The following PRKCQ variants were observed in gnomAD, a reference collection of about 807,000 sequenced individuals.
PRKCQ encodes protein kinase C theta, also known as protein kinase C theta type.
PRKCQ carries 41 observed loss-of-function variants against 91.2 expected under a neutral mutation model. That is an observed-to-expected ratio of 0.45 (90% CI 0.35 to 0.58). PRKCQ has a LOEUF of 0.58. PRKCQ is among the 20% of genes least tolerant of loss of function. The pLI is 0.00. For synonymous variants in PRKCQ, 307 were observed against 316.9 expected, an observed-to-expected ratio of 0.97 and a Z score of 0.33; for missense variants, 673 against 896.5, an observed-to-expected ratio of 0.75 and a Z score of 3.18.
chr10:6,456,331 C>A (rs1212444844), intron 15 of PRKCQ, among the ~76,000 whole-genome samples: 1 of 152,166 alleles, frequency 6.6e-6, no homozygotes, highest in African/African-American at 2.4e-5. Context: ...GGTCTTCTGA[C>A]CCCACAGTTT....
chr10:6,461,324 C>A (rs1835338888), intron 14 of PRKCQ, among the ~76,000 whole-genome samples: 1 of 152,132 alleles, frequency 6.6e-6, no homozygotes, highest in South Asian at 2.1e-4. Flanking sequence ...TTAGTCAGTG[C>A]CTAGGTACAA....
At chr10:6,509,334 T>C (rs1349614630) in intron 3 of PRKCQ, among the ~76,000 whole-genome samples, 1 of 152,212 alleles carries the variant, frequency 6.6e-6, no homozygotes, top group Non-Finnish European at 1.5e-5. Flanking sequence ...ACTTATCCTT[T>C]CATTAATTGA....
chr10:6,411,975 C>A, the PRKCQ span, among the ~76,000 whole-genome samples: 1 of 152,162 alleles, frequency 6.6e-6, no homozygotes, highest in Non-Finnish European at 1.5e-5. Flanking sequence ...CACAAAAATG[C>A]CCAGCATCTC....
intron 4 of PRKCQ, among the ~76,000 whole-genome samples, chr10:6,503,454 G>A (rs917077600): frequency 6.6e-6 from 1 of 152,130 alleles, no homozygotes; most frequent in Non-Finnish European, 1.5e-5. Flanking sequence ...GAGAACAGAG[G>A]AAGAAGAGAA....
chr10:6,430,661 G>T lies in PRKCQ; in HGVS notation c.1965+149C>A. The T allele has an allele frequency of 8.3e-7, 1 of 1,206,368 alleles. No homozygotes were observed. The highest frequency in any genetic ancestry group is 1.5e-5 in the African/African-American group (1 of 65,624). The allele number at this position is 1,206,368 out of a possible 1,614,324, so 74.7% of individuals were successfully genotyped here. ...CTGCCCCACCAGCCCAGTAACATGT[G>T]TTAGAGACGTGCATTCCTCCTGGAG... is the stretch of plus-strand genomic sequence containing the variant. On this transcript the variant is annotated intron_variant, in intron 17 of 17. Transcript: ENST00000263125. The surrounding 1 kb of genome is among the most constrained non-coding windows in gnomAD (Gnocchi z 4.7).
chr10:6,403,106 A>T, the PRKCQ span, among the ~76,000 whole-genome samples: 1 of 152,180 alleles, frequency 6.6e-6, no homozygotes, highest in African/African-American at 2.4e-5. Flanking sequence ...CTGCCAATCA[A>T]CATGCAGGGC....
At chr10:6,548,576 C>T (rs1159399407) in intron 1 of PRKCQ, among the ~76,000 whole-genome samples, 1 of 147,546 alleles carries the variant, frequency 6.8e-6, no homozygotes, top group Non-Finnish European at 1.5e-5. Flanking sequence ...AGTTCATGTC[C>T]TTTGTAGGGA....
At chr10:6,514,781 T>A (rs1588367085) in intron 2 of PRKCQ, among the ~76,000 whole-genome samples, 3 of 152,120 alleles carry the variant, frequency 2.0e-5, no homozygotes, top group South Asian at 2.1e-4. Context: ...TTTGTATATG[T>A]GGGAAAAATG....
intron 1 of PRKCQ, among the ~76,000 whole-genome samples, chr10:6,556,710 G>A (rs1340995994): frequency 6.6e-6 from 1 of 151,996 alleles, no homozygotes; most frequent in East Asian, 1.9e-4. Context: ...AATTATGTAA[G>A]CATTTGATTT....
chr10:6,553,739 G>A (rs975209562), intron 1 of PRKCQ, among the ~76,000 whole-genome samples: 21 of 151,964 alleles, frequency 1.4e-4, no homozygotes, highest in African/African-American at 4.6e-4. Context: ...ACAAAGTTGC[G>A]GTATGCACAT....
At chr10:6,456,552 A>G (rs2132308833) in intron 15 of PRKCQ, 122 bp downstream of exon 15, 1 of 1,333,886 alleles carries the variant, frequency 7.5e-7, no homozygotes, top group East Asian at 2.4e-5. Flanking sequence ...GAGATACTTA[A>G]GAAAACAGGT....
intron 1 of PRKCQ, among the ~76,000 whole-genome samples, chr10:6,540,147 AAGTT>A (rs1839723948): frequency 6.6e-6 from 1 of 152,048 alleles, no homozygotes; most frequent in Admixed American, 6.6e-5. Context: ...CAGACACACA[AAGTT>A]TGTCAGTTTG....
chr10:6,446,979 G>A (rs921867557), intron 15 of PRKCQ, among the ~76,000 whole-genome samples: 5 of 152,180 alleles, frequency 3.3e-5, no homozygotes, highest in Non-Finnish European at 7.4e-5. Context: ...CTGGGTGAGT[G>A]CTGCCCCAGC....
the PRKCQ span, among the ~76,000 whole-genome samples, chr10:6,419,068 A>G: frequency 6.6e-6 from 1 of 151,828 alleles, no homozygotes; most frequent in Admixed American, 6.6e-5. Context: ...TGTATCATCT[A>G]TTTATTCTAT....
intron 2 of PRKCQ, among the ~76,000 whole-genome samples, chr10:6,512,904 C>T (rs1019595779): frequency 4.6e-5 from 7 of 152,024 alleles, no homozygotes; most frequent in African/African-American, 1.7e-4. Context: ...GGAGATTGGG[C>T]TTTTTAGAAA....
chr10:6,409,387 C>T, the PRKCQ span, among the ~76,000 whole-genome samples: 2 of 152,146 alleles, frequency 1.3e-5, no homozygotes, highest in Non-Finnish European at 2.9e-5. Context: ...CTCTGCCTCC[C>T]AGGTTCAAGC....
chr10:6,502,646 G>C (rs1837981511), intron 4 of PRKCQ, among the ~76,000 whole-genome samples: 1 of 152,222 alleles, frequency 6.6e-6, no homozygotes, highest in Admixed American at 6.5e-5. Flanking sequence ...CACCATAGGA[G>C]AATGGATGGG....
chr10:6,468,711 T>C (rs915677911), intron 12 of PRKCQ, among the ~76,000 whole-genome samples: 1 of 152,216 alleles, frequency 6.6e-6, no homozygotes, highest in Non-Finnish European at 1.5e-5. Flanking sequence ...TTGCAATCTC[T>C]GCAAAATAAA....
At chr10:6,501,206 G>A (rs1284093004) in intron 4 of PRKCQ, among the ~76,000 whole-genome samples, 1 of 151,362 alleles carries the variant, frequency 6.6e-6, no homozygotes, top group Non-Finnish European at 1.5e-5. Context: ...GGAAGAAAAA[G>A]AAACTGATAA....
Sources: gnomAD v4.1 joint callset for allele counts (sites outside exome capture counted in the v4.1 genomes callset) on GRCh38, gnomAD v4.1.1 for gene constraint, Gnocchi (gnomAD v3.1) non-coding constraint, MANE v1.5 for transcripts, NCBI Gene and HGNC (gene_info 2026-07-23, HGNC 2026-07-21) for gene names.